Variants in SLC2A13 observed in about 807,000 individuals in gnomAD.
SLC2A13 encodes solute carrier family 2 member 13.
SLC2A13 carries 32 observed loss-of-function variants against 64.4 expected under a neutral mutation model. That is an observed-to-expected ratio of 0.50 (90% confidence interval 0.37 to 0.67). SLC2A13 has a LOEUF of 0.67. Among genes scored for constraint, SLC2A13 ranks in the 30% least tolerant of loss-of-function variants. SLC2A13 has a pLI of 0.00. For synonymous variants in SLC2A13, 338 were observed against 327.1 expected, an observed-to-expected ratio of 1.03 and a Z score of -0.36; for missense variants, 743 against 829.2, an observed-to-expected ratio of 0.90 and a Z score of 1.28.
intron 6 of SLC2A13, among the ~76,000 whole-genome samples, chr12:39,835,932 G>C (rs1261894607): frequency 6.6e-6 from 1 of 152,112 alleles, no homozygotes; most frequent in African/African-American, 2.4e-5. Context: ...GCTGAGCCTG[G>C]TTTTTAAATT....
At chr12:40,005,680 T>G (rs1947402341) in intron 3 of SLC2A13, among the ~76,000 whole-genome samples, 1 of 152,116 alleles carries the variant, frequency 6.6e-6, no homozygotes. Context: ...TTTAATAGGG[T>G]CTCTTGCCAC....
chr12:39,822,558 G>C (rs865825471), intron 7 of SLC2A13, among the ~76,000 whole-genome samples: 4 of 152,096 alleles, frequency 2.6e-5, no homozygotes, highest in Non-Finnish European at 5.9e-5. Context: ...CATCTCTGCT[G>C]TACACCTTCT....
intron 6 of SLC2A13, among the ~76,000 whole-genome samples, chr12:39,839,803 C>G (rs537371217): frequency 4.1e-4 from 62 of 152,190 alleles, no homozygotes; most frequent in African/African-American, 1.3e-3. Context: ...TCTCTAAGTG[C>G]CAGAACTACA....
intron 3 of SLC2A13, among the ~76,000 whole-genome samples, chr12:39,975,820 G>A (rs1259601441): frequency 6.6e-6 from 1 of 151,780 alleles, no homozygotes; most frequent in African/African-American, 2.4e-5. Context: ...CAACTCTAAG[G>A]AGCCAACGGA....
chr12:39,848,922 C>G (rs1395978049), intron 6 of SLC2A13, among the ~76,000 whole-genome samples: 1 of 152,082 alleles, frequency 6.6e-6, no homozygotes, highest in African/African-American at 2.4e-5. Context: ...AACACAGGAA[C>G]AGAAAACCAA....
chr12:40,091,653 T>C (rs1421072934), intron 1 of SLC2A13, among the ~76,000 whole-genome samples: 4 of 152,210 alleles, frequency 2.6e-5, no homozygotes, highest in African/African-American at 9.6e-5. Flanking sequence ...CCAGAAACTA[T>C]AAAGGTGAAA....
At chr12:39,943,265 A>G (rs1467771830) in intron 4 of SLC2A13, among the ~76,000 whole-genome samples, 1 of 152,192 alleles carries the variant, frequency 6.6e-6, no homozygotes, top group Non-Finnish European at 1.5e-5. Flanking sequence ...TCTGTCTCTT[A>G]GCAGAGTTTG....
At chr12:39,760,824 A>G (rs1365762233) in intron 9 of SLC2A13, among the ~76,000 whole-genome samples, 4 of 151,986 alleles carry the variant, frequency 2.6e-5, no homozygotes, top group Non-Finnish European at 1.5e-5. Flanking sequence ...GGGTCATGAT[A>G]GCAAGCCTAG....
chr12:39,873,550 T>C (rs1326155558), intron 4 of SLC2A13, among the ~76,000 whole-genome samples: 1 of 152,206 alleles, frequency 6.6e-6, no homozygotes, highest in Non-Finnish European at 1.5e-5. Flanking sequence ...GAATTTGACA[T>C]GTGTCATGCT....
chr12:40,001,112 C>A (rs1947315675), intron 3 of SLC2A13, among the ~76,000 whole-genome samples: 1 of 152,232 alleles, frequency 6.6e-6, no homozygotes, highest in Non-Finnish European at 1.5e-5. Context: ...CTCACACACT[C>A]AATGGATAAG....
chr12:40,081,498 G>C (rs17518371), intron 1 of SLC2A13, among the ~76,000 whole-genome samples: 1 of 152,186 alleles, frequency 6.6e-6, no homozygotes, highest in African/African-American at 2.4e-5. Flanking sequence ...ACTTCTGACT[G>C]TATTATGAAA....
intron 1 of SLC2A13, among the ~76,000 whole-genome samples, chr12:40,083,954 C>T (rs1348422007): frequency 1.3e-5 from 2 of 151,314 alleles, no homozygotes; most frequent in Non-Finnish European, 2.9e-5. Flanking sequence ...TACCCCATTT[C>T]GATCAACACC....
intron 1 of SLC2A13, among the ~76,000 whole-genome samples, chr12:40,090,918 A>G (rs1938745966): frequency 6.6e-6 from 1 of 152,212 alleles, no homozygotes; most frequent in Non-Finnish European, 1.5e-5. Context: ...AAAGATGTGC[A>G]CATGCAGATA....
chr12:39,897,531 C>G (rs899937579), intron 4 of SLC2A13, among the ~76,000 whole-genome samples: 1 of 152,158 alleles, frequency 6.6e-6, no homozygotes, highest in East Asian at 1.9e-4. Flanking sequence ...ACTGTGTAAT[C>G]GATCCCTGTG....
intron 3 of SLC2A13, among the ~76,000 whole-genome samples, chr12:39,968,267 G>C (rs908553704): frequency 2.6e-5 from 4 of 152,004 alleles, no homozygotes; most frequent in African/African-American, 9.7e-5. Flanking sequence ...GTGGTGCGGC[G>C]GGAGAGCCCC....
intron 5 of SLC2A13, among the ~76,000 whole-genome samples, chr12:39,870,484 A>T (rs1419693438): frequency 6.6e-6 from 1 of 152,194 alleles, no homozygotes; most frequent in African/African-American, 2.4e-5. Context: ...TTAAGTAAAA[A>T]TCTGTGTCCT....
chr12:40,045,260 A>G (rs1000907288), intron 2 of SLC2A13, among the ~76,000 whole-genome samples: 1 of 152,088 alleles, frequency 6.6e-6, no homozygotes, highest in Non-Finnish European at 1.5e-5. Context: ...AAGACTGGGG[A>G]CATCTAATGT....
At chr12:39,790,560 T>C (rs886137059) in intron 7 of SLC2A13, among the ~76,000 whole-genome samples, 23 of 149,012 alleles carry the variant, frequency 1.5e-4, no homozygotes, top group Non-Finnish European at 1.3e-4. Flanking sequence ...CATCCTTTTT[T>C]ATGGCTGCAT....
At position 39,777,716 on chromosome 12, in the gene SLC2A13, G is replaced by A. The variant is rs562940666; in HGVS notation, c.1446-12858C>T. Among the ~76,000 whole-genome samples the A allele has an allele frequency of 1.8e-4, 27 of 152,312 alleles. No individual in the cohort carries two copies. In the East Asian group the frequency reaches 4.6e-3, roughly 26 times the overall value. On this transcript the variant is annotated intron_variant, in intron 7 of 9. Transcript: ENST00000280871. ...CAGGTGGCTGGCCGTCGAGAGGAAC[G>A]CACCAACAGGCATCGGCATGCCAGC... is the stretch of plus-strand genomic sequence containing the variant.
Sources: allele counts gnomAD v4.1 joint callset (sites outside exome capture counted in the v4.1 genomes callset), GRCh38; gene constraint gnomAD v4.1.1; transcripts MANE v1.5; gene names NCBI Gene and HGNC (gene_info 2026-07-23, HGNC 2026-07-21).